The following B3GALT1 variants were observed in gnomAD, a reference collection of about 807,000 sequenced individuals.
B3GALT1 encodes the protein UDP-Gal:betaGlcNAc beta 1,3-galactosyltransferase, polypeptide 1.
A neutral mutation model predicts 23.2 loss-of-function variants in B3GALT1; 10 were observed. The ratio of observed to expected loss-of-function variants is 0.43; its 90% confidence interval spans 0.27 to 0.73. B3GALT1 has a LOEUF of 0.73. Among genes scored for constraint, B3GALT1 ranks in the 30% least tolerant of loss-of-function variants. The pLI is 0.21. For synonymous variants in B3GALT1, 156 were observed against 141.5 expected, an observed-to-expected ratio of 1.10 and a Z score of -0.73; for missense variants, 299 against 405.4, an observed-to-expected ratio of 0.74 and a Z score of 2.25.
intron 2 of B3GALT1, among the ~76,000 whole-genome samples, chr2:167,540,112 G>T (rs1389351738): frequency 6.6e-6 from 1 of 152,028 alleles, no homozygotes. Flanking sequence ...AGAGAATTCT[G>T]CATATTCTGT....
chr2:167,749,505 G>A (rs1214304609), intron 3 of B3GALT1, among the ~76,000 whole-genome samples: 1 of 152,154 alleles, frequency 6.6e-6, no homozygotes, highest in Non-Finnish European at 1.5e-5. Flanking sequence ...GTTAACATAT[G>A]TGAGGCTTCG....
intron 4 of B3GALT1, among the ~76,000 whole-genome samples, chr2:167,842,806 G>A (rs1476840570): frequency 6.6e-6 from 1 of 152,144 alleles, no homozygotes; most frequent in African/African-American, 2.4e-5. Flanking sequence ...CCCAAGAGGT[G>A]GAGGTTGCAG....
At chr2:167,752,365 A>G (rs1687752065) in intron 3 of B3GALT1, among the ~76,000 whole-genome samples, 1 of 152,218 alleles carries the variant, frequency 6.6e-6, no homozygotes, top group African/African-American at 2.4e-5. Flanking sequence ...GTACTTACAA[A>G]TGAAAGTAAA....
chr2:167,494,638 A>G (rs1430775369), intron 2 of B3GALT1, among the ~76,000 whole-genome samples: 2 of 152,158 alleles, frequency 1.3e-5, no homozygotes, highest in African/African-American at 2.4e-5. Context: ...TACTCACAAA[A>G]TCAAATGTTA....
intron 1 of B3GALT1, among the ~76,000 whole-genome samples, chr2:167,477,736 A>G (rs944429270): frequency 2.4e-4 from 37 of 152,206 alleles, no homozygotes; most frequent in South Asian, 6.2e-4. Context: ...GTGTCTAACA[A>G]TTTTAAAGAA....
chr2:167,373,602 G>A (rs1354405219), intron 1 of B3GALT1, among the ~76,000 whole-genome samples: 3 of 152,134 alleles, frequency 2.0e-5, no homozygotes, highest in African/African-American at 7.2e-5. Context: ...GAAAAGAGGA[G>A]CTTAATATCA....
intron 3 of B3GALT1, among the ~76,000 whole-genome samples, chr2:167,794,068 A>G (rs1688496250): frequency 6.6e-6 from 1 of 152,188 alleles, no homozygotes; most frequent in Non-Finnish European, 1.5e-5. Context: ...CAAACATATG[A>G]TGCGCTTTTT....
chr2:167,366,626 C>A (rs896669212), intron 1 of B3GALT1, among the ~76,000 whole-genome samples: 3 of 152,128 alleles, frequency 2.0e-5, no homozygotes, highest in African/African-American at 7.2e-5. Context: ...TGGCCTAGAA[C>A]AACACTAGTC....
intron 3 of B3GALT1, among the ~76,000 whole-genome samples, chr2:167,669,026 G>T (rs907002947): frequency 2.6e-5 from 4 of 152,098 alleles, no homozygotes; most frequent in Admixed American, 1.3e-4. Context: ...TAAAGTTGCT[G>T]TCCCCCTCCC....
At chr2:167,838,722 C>A (rs572618335) in intron 4 of B3GALT1, among the ~76,000 whole-genome samples, 1 of 152,362 alleles carries the variant, frequency 6.6e-6, no homozygotes, top group East Asian at 1.9e-4. Context: ...GAGACACAAC[C>A]AAAAAGGAGA....
chr2:167,534,484 T>C (rs979383323), intron 2 of B3GALT1, among the ~76,000 whole-genome samples: 2 of 152,172 alleles, frequency 1.3e-5, no homozygotes, highest in African/African-American at 2.4e-5. Context: ...ATGTAAAACA[T>C]ACTAGTTGGA....
intron 2 of B3GALT1, among the ~76,000 whole-genome samples, chr2:167,544,810 G>A (rs1251844122): frequency 1.3e-5 from 2 of 152,134 alleles, no homozygotes; most frequent in African/African-American, 4.8e-5. Flanking sequence ...CCCTGTCGAA[G>A]GTCTTTTCTC....
chr2:167,624,986 A>T (rs1685315568), intron 2 of B3GALT1, among the ~76,000 whole-genome samples: 1 of 151,970 alleles, frequency 6.6e-6, no homozygotes, highest in Non-Finnish European at 1.5e-5. Context: ...CTTGTGTCAA[A>T]TTTCATTCCA....
chr2:167,562,884 A>T (rs1310006838), intron 2 of B3GALT1, among the ~76,000 whole-genome samples: 1 of 152,022 alleles, frequency 6.6e-6, no homozygotes, highest in African/African-American at 2.4e-5. Context: ...GCATCTGTTT[A>T]ACAAAGCACA....
At chr2:167,429,230 G>A (rs1404029320) in intron 1 of B3GALT1, among the ~76,000 whole-genome samples, 1 of 148,024 alleles carries the variant, frequency 6.8e-6, no homozygotes, top group Admixed American at 6.8e-5. Context: ...GCAGTGAGCC[G>A]AGATCGCGCC....
chr2:167,774,506 T>G (rs1056969950), intron 3 of B3GALT1, among the ~76,000 whole-genome samples: 11 of 130,728 alleles, frequency 8.4e-5, no homozygotes, highest in African/African-American at 3.2e-4. Context: ...TGTTTTTTTT[T>G]TTTTTTTTGG....
At chr2:167,751,142 T>G (rs1390407482) in intron 3 of B3GALT1, among the ~76,000 whole-genome samples, 4 of 152,202 alleles carry the variant, frequency 2.6e-5, no homozygotes, top group African/African-American at 9.6e-5. Context: ...GCATCATGGT[T>G]TGCTGACCCC....
chr2:167,369,886 G>A (rs1697653201), intron 1 of B3GALT1, among the ~76,000 whole-genome samples: 1 of 151,836 alleles, frequency 6.6e-6, no homozygotes, highest in African/African-American at 2.4e-5. Flanking sequence ...ATTCTTCATG[G>A]CACTTCTGCT....
At chr2:167,848,487 A>G (rs1338258043) in intron 4 of B3GALT1, among the ~76,000 whole-genome samples, 1 of 152,246 alleles carries the variant, frequency 6.6e-6, no homozygotes, top group Non-Finnish European at 1.5e-5. Flanking sequence ...AATTAAAAAC[A>G]AAATTCACAT....
Sources: allele counts gnomAD v4.1 joint callset (sites outside exome capture counted in the v4.1 genomes callset), GRCh38; gene constraint gnomAD v4.1.1; transcripts MANE v1.5; gene names NCBI Gene and HGNC (gene_info 2026-07-23, HGNC 2026-07-21).